The following BRCA1 variants were observed in gnomAD, a reference collection of about 807,000 sequenced individuals.
The protein encoded by BRCA1 is BRCA1 DNA repair associated, also known as breast cancer type 1 susceptibility protein.
BRCA1 carries 140 observed loss-of-function variants against 173.7 expected under a neutral mutation model. The ratio of observed to expected loss-of-function variants is 0.81; its 90% CI spans 0.70 to 0.93. The LOEUF is 0.93. Among genes scored for constraint, BRCA1 ranks in the 40% least tolerant of loss-of-function variants. The pLI is 0.00. For missense variants in BRCA1, 1,983 were observed against 2,172.5 expected, an observed-to-expected ratio of 0.91 and a Z score of 1.73; for synonymous variants, 662 against 756.0, an observed-to-expected ratio of 0.88 and a Z score of 2.04.
chr17:43,145,369 C>T, intron 1 of BRCA1: 1 of 408,690 alleles, frequency 2.4e-6, no homozygotes, highest in African/African-American at 2.1e-5. Flanking sequence ...CTCTGTCGCC[C>T]AGGCTGCAGT....
At chr17:43,061,736 C>T (rs983721302) in intron 18 of BRCA1, among the ~76,000 whole-genome samples, 1 of 152,036 alleles carries the variant, frequency 6.6e-6, no homozygotes, top group Non-Finnish European at 1.5e-5. Flanking sequence ...GCACATGCCA[C>T]CACGCTCGAC....
At chr17:43,155,873 A>G (rs1393271959) in intron 1 of BRCA1, among the ~76,000 whole-genome samples, 1 of 152,192 alleles carries the variant, frequency 6.6e-6, no homozygotes, top group African/African-American at 2.4e-5. Context: ...CAGGCAGGAC[A>G]TCAAAGAACA....
At chr17:43,083,162 T>A (rs1450446614) in intron 11 of BRCA1, among the ~76,000 whole-genome samples, 1 of 151,798 alleles carries the variant, frequency 6.6e-6, no homozygotes, top group African/African-American at 2.4e-5. Flanking sequence ...CTTTAGTTTC[T>A]TTTCTTTCTT....
chr17:43,134,413 G>A (rs1282147264), intron 1 of BRCA1, among the ~76,000 whole-genome samples: 2 of 152,090 alleles, frequency 1.3e-5, no homozygotes, highest in Non-Finnish European at 2.9e-5. Flanking sequence ...AGAGATTACC[G>A]AGGGGTTCCC....
In BRCA1 at chr17:43,106,675, GC is replaced by G. The variant is rs1275186809; in HGVS notation, c.135-143del. 6 of 648,460 alleles carry G rather than the reference GC, an allele frequency of 9.3e-6. No homozygotes were observed. The East Asian group carries it at 1.7e-4, about 18-fold the overall frequency. 40.2% of individuals were successfully genotyped at this position (648,460 alleles called of 1,614,324 possible). A position where few individuals can be genotyped will look rare whatever the true frequency, so the allele number is the denominator to read the frequency against. On this transcript the variant is annotated intron_variant, in intron 3 of 22. Coordinates refer to ENST00000357654, the MANE Select transcript of BRCA1 (RefSeq NM_007294.4). ...AAAAGTAATGGCAGGTGAATTACAA[GC>G]AATAGTTTCCTAATTGTTTTTGGAT... is the stretch of plus-strand genomic sequence containing the variant.
chr17:43,084,147 C>T (rs1334306008), intron 11 of BRCA1, among the ~76,000 whole-genome samples: 1 of 152,020 alleles, frequency 6.6e-6, no homozygotes, highest in African/African-American at 2.4e-5. Context: ...TCTTCTGCTT[C>T]AGCCTCCTGA....
chr17:43,132,585 T>A (rs545562398), intron 1 of BRCA1: 1 of 152,052 alleles, frequency 6.6e-6, no homozygotes, highest in African/African-American at 2.4e-5. Flanking sequence ...TCCTTTTTCT[T>A]TTTCTTTTTT....
At chr17:43,137,909 G>A (rs530004963) in intron 1 of BRCA1, among the ~76,000 whole-genome samples, 9 of 152,054 alleles carry the variant, frequency 5.9e-5, no homozygotes, top group East Asian at 3.9e-4. Flanking sequence ...AAAATAGGCC[G>A]GGCGCGGTGT....
intron 13 of BRCA1, 59 bp from the exon 14 acceptor site, chr17:43,074,580 ACT>A: frequency 6.7e-7 from 1 of 1,499,344 alleles, no homozygotes; most frequent in Non-Finnish European, 9.2e-7. Context: ...GACAAATCAT[ACT>A]TGCTGGGCAG....
In BRCA1 at chr17:43,093,196, T is replaced by G. The variant is rs1348270931; in HGVS notation, c.2335A>C (p.Thr779Pro). The G allele has an allele frequency of 6.2e-7, 1 of 1,613,858 alleles. No individual in the cohort carries two copies. Among genetic ancestry groups the G allele is most frequent in the South Asian group, 1.1e-5 (1 of 91,056 alleles). The change falls in exon 10 of 23, where the codon ACT (threonine) becomes CCT (proline). Residue 779 changes from threonine (T) to proline (P), a missense_variant. Thr to Pro is a conservative substitution (Grantham distance 38). Coordinates refer to ENST00000357654, the MANE Select transcript of BRCA1 (RefSeq NM_007294.4). ...TCCAGTAACGAGATACTTTCCTGAGTGCCATAATCAGTACCAGGTACCAAT... is the reference window on the plus strand; with the variant it reads ...TCCAGTAACGAGATACTTTCCTGAGGGCCATAATCAGTACCAGGTACCAAT... ...ISLVPGTDYGTQESISLLEVS... is the reference protein window; with the variant it reads ...ISLVPGTDYGPQESISLLEVS...
At chr17:43,090,159 C>T (rs893096018) in intron 11 of BRCA1, among the ~76,000 whole-genome samples, 1 of 152,006 alleles carries the variant, frequency 6.6e-6, no homozygotes, top group African/African-American at 2.4e-5. Context: ...AGAATAAACA[C>T]CAAAATTGCG....
chr17:43,142,950 ATGTGTGTGTGTGTGTGTATATATATG>A (rs2056086750), intron 1 of BRCA1, among the ~76,000 whole-genome samples: 6 of 134,852 alleles, frequency 4.4e-5, no homozygotes, highest in African/African-American at 1.6e-4. Context: ...GTATATATAT[ATGTGTGTGTGTGTGTGTATATATATG>A]TGTGTATATA....
intron 1 of BRCA1, among the ~76,000 whole-genome samples, chr17:43,143,534 C>T (rs563070511): frequency 1.1e-4 from 17 of 152,260 alleles, no homozygotes; most frequent in East Asian, 9.6e-4. Context: ...GAACTGCCAG[C>T]GTTCATTTGT....
rs56328013 is a variant in BRCA1, at chr17:43,115,792, G to A, written c.81-13C>T. The A allele has an allele frequency of 2.5e-6, 4 of 1,610,800 alleles. No individual in the cohort carries two copies. Among genetic ancestry groups the A allele is most frequent in the Middle Eastern group, 1.7e-4 (1 of 6,050 alleles). On this transcript the variant is annotated splice_polypyrimidine_tract_variant and intron_variant, in intron 2 of 22. Coordinates refer to ENST00000357654, the MANE Select transcript of BRCA1 (RefSeq NM_007294.4). ...GATCAACTCCAGACTAGCAGGGTAG[G>A]GGGGGAGAAAAAGAAAATAAATGAG...
chr17:43,115,433 C>T (rs1033249751), intron 3 of BRCA1, among the ~76,000 whole-genome samples: 2 of 150,114 alleles, frequency 1.3e-5, no homozygotes, highest in East Asian at 1.9e-4. Context: ...ACTCGGGGGG[C>T]GGAGGTTGCA....
At position 43,082,396 on chromosome 17, in the gene BRCA1, A is replaced by T. The variant is rs2154143991; in HGVS notation, c.4357+8T>A. 1 of 1,613,362 alleles carries T rather than the reference A, an allele frequency of 6.2e-7. No homozygotes were observed. The highest frequency in any genetic ancestry group is 8.5e-7 in the Non-Finnish European group (1 of 1,179,364). On this transcript the variant is annotated splice_region_variant and intron_variant, in intron 12 of 22. Transcript: ENST00000357654. ...TTAAGATATCAGTGTTTGGCCAACAATACACACCTTTTTCTGATGTGCTTT... is the reference window on the plus strand; with the variant it reads ...TTAAGATATCAGTGTTTGGCCAACATTACACACCTTTTTCTGATGTGCTTT...
At chr17:43,152,488 A>C (rs989440708) in intron 1 of BRCA1, among the ~76,000 whole-genome samples, 1 of 152,168 alleles carries the variant, frequency 6.6e-6, no homozygotes, top group Non-Finnish European at 1.5e-5. Flanking sequence ...TGGGAGGCTG[A>C]GGTGGGTGGA....
intron 14 of BRCA1, among the ~76,000 whole-genome samples, chr17:43,072,089 TA>T (rs1223640855): frequency 6.6e-6 from 1 of 150,878 alleles, no homozygotes; most frequent in Non-Finnish European, 1.5e-5. Context: ...ATTTTATTAT[TA>T]AAGAATAAGA....
chr17:43,076,010 TTGAGCCTGAAAAACGGAGGATGCAG>T (rs1340830481), intron 13 of BRCA1, among the ~76,000 whole-genome samples: 1 of 151,894 alleles, frequency 6.6e-6, no homozygotes, highest in African/African-American at 2.4e-5. Context: ...GGAGGATTGC[TTGAGCCTGAAAAACGGAGGATGCAG>T]TGAGCCATGA....
Sources: allele counts gnomAD v4.1 joint callset (sites outside exome capture counted in the v4.1 genomes callset), GRCh38; gene constraint gnomAD v4.1.1; transcripts MANE v1.5; gene names NCBI Gene and HGNC (gene_info 2026-07-23, HGNC 2026-07-21).